CMIP: variants seen among roughly 807,000 people sequenced by gnomAD.
The protein encoded by CMIP is c-Maf inducing protein, also known as C-Maf-inducing protein.
Under a neutral mutation model 97.3 loss-of-function variants are expected in CMIP, and 13 were observed. That is an observed-to-expected ratio of 0.13 (90% confidence interval 0.09 to 0.21). The LOEUF (loss-of-function observed/expected upper bound fraction) is 0.21, where lower values mean the gene tolerates loss of function less well. CMIP is among the 10% of genes least tolerant of loss of function. CMIP has a pLI of 1.00. For synonymous variants in CMIP, 538 were observed against 436.3 expected (o/e 1.23, Z -2.91); for missense variants, 847 against 1,024.9 (o/e 0.83, Z 2.37).
intron 1 of CMIP, among the ~76,000 whole-genome samples, chr16:81,581,789 T>TG (rs1269614761): frequency 1.3e-5 from 2 of 152,290 alleles, no homozygotes; most frequent in Middle Eastern, 3.4e-3. Context: ...GTGGCAGAGC[T>TG]GGGGTTGGGA....
chr16:81,537,576 C>T (rs1226074622), intron 1 of CMIP, among the ~76,000 whole-genome samples: 3 of 137,698 alleles, frequency 2.2e-5, no homozygotes, highest in Non-Finnish European at 3.1e-5. Flanking sequence ...AAAAAAGACC[C>T]AAATAGAGGC....
intron 9 of CMIP, among the ~76,000 whole-genome samples, chr16:81,673,711 T>C (rs1203800909): frequency 6.6e-6 from 1 of 152,082 alleles, no homozygotes; most frequent in Non-Finnish European, 1.5e-5. Flanking sequence ...TGAGAACTGC[T>C]CCCGGGATGC....
At chr16:81,617,681 T>C (rs1183477389) in intron 2 of CMIP, 2 of 152,318 alleles carry the variant, frequency 1.3e-5, no homozygotes, top group African/African-American at 4.8e-5. Flanking sequence ...TCTGTGTTCA[T>C]TCGTTCCAGT....
At chr16:81,650,607 G>C (rs2092416880) in intron 3 of CMIP, among the ~76,000 whole-genome samples, 1 of 152,086 alleles carries the variant, frequency 6.6e-6, no homozygotes, top group Non-Finnish European at 1.5e-5. Context: ...AGGAAGATGG[G>C]ATGCCGTATT....
At chr16:81,522,172 A>C (rs1438863715) in intron 1 of CMIP, among the ~76,000 whole-genome samples, 1 of 152,212 alleles carries the variant, frequency 6.6e-6, no homozygotes, top group Non-Finnish European at 1.5e-5. Context: ...CCAGTGTGGC[A>C]ACACCGATTC....
chr16:81,667,605 C>G (rs1336193425), intron 7 of CMIP, among the ~76,000 whole-genome samples: 1 of 152,142 alleles, frequency 6.6e-6, no homozygotes, highest in Non-Finnish European at 1.5e-5. Flanking sequence ...AATCATAAAA[C>G]CCTCGTGGTG....
At chr16:81,641,257 G>A (rs1318716909) in intron 3 of CMIP, among the ~76,000 whole-genome samples, 1 of 152,080 alleles carries the variant, frequency 6.6e-6, no homozygotes, top group Non-Finnish European at 1.5e-5. Context: ...AGCCTTCAGT[G>A]CCATTTTCAT....
At chr16:81,579,871 G>C (rs1597111246) in intron 1 of CMIP, among the ~76,000 whole-genome samples, 1 of 152,206 alleles carries the variant, frequency 6.6e-6, no homozygotes, top group Non-Finnish European at 1.5e-5. Context: ...CCGGAGAATG[G>C]CGTGAACCCG....
At chr16:81,471,368 A>G (rs576900708) in intron 1 of CMIP, among the ~76,000 whole-genome samples, 5 of 152,306 alleles carry the variant, frequency 3.3e-5, no homozygotes, top group Admixed American at 6.5e-5. Flanking sequence ...GTATACATGT[A>G]TGTGTATACA....
At chr16:81,704,740 C>T (rs1420177421) in intron 18 of CMIP, among the ~76,000 whole-genome samples, 5 of 137,760 alleles carry the variant, frequency 3.6e-5, no homozygotes, top group African/African-American at 1.1e-4. Context: ...CCCTGCCCCT[C>T]ACCCGCTTCC....
chr16:81,645,508 G>C lies in CMIP; in HGVS notation c.478-6695G>C. Reference sequence around the variant, plus strand: ...CTGACGACTTGTCTCCCGTGGAGGAGCAACAGGCTCTGCTTTCCCTGGCCT... The same window carrying C: ...CTGACGACTTGTCTCCCGTGGAGGACCAACAGGCTCTGCTTTCCCTGGCCT... On this transcript the variant is annotated intron_variant, in intron 3 of 20. Coordinates refer to ENST00000537098, the MANE Select transcript of CMIP (RefSeq NM_198390.3). The C allele has an allele frequency of 1.2e-5, 18 of 1,535,900 alleles. No individual in the cohort carries two copies. The South Asian group carries it at 2.1e-4, about 18-fold the overall frequency.
chr16:81,613,838 T>C (rs572103295), intron 2 of CMIP, among the ~76,000 whole-genome samples: 3 of 152,354 alleles, frequency 2.0e-5, no homozygotes, highest in East Asian at 1.9e-4. Context: ...ATCTGTCTTA[T>C]CTGTTTTTCC....
chr16:81,700,893 G>A (rs1907321476), intron 15 of CMIP, among the ~76,000 whole-genome samples: 1 of 152,174 alleles, frequency 6.6e-6, no homozygotes, highest in African/African-American at 2.4e-5. Flanking sequence ...CCTGTGACAG[G>A]GATTCGGAGG....
At chr16:81,653,460 A>T (rs1260843062) in intron 4 of CMIP, among the ~76,000 whole-genome samples, 2 of 152,272 alleles carry the variant, frequency 1.3e-5, no homozygotes, top group Non-Finnish European at 2.9e-5. Context: ...GCAGAGGGAC[A>T]GAGGTCAGAG....
At chr16:81,445,843 G>C (rs1182579436) in intron 1 of CMIP, among the ~76,000 whole-genome samples, 1 of 151,940 alleles carries the variant, frequency 6.6e-6, no homozygotes, top group East Asian at 1.9e-4. Context: ...TCTGGTGGCT[G>C]GGACTCGAGG....
At chr16:81,631,404 A>G (rs1199135238) in intron 3 of CMIP, 1 of 152,238 alleles carries the variant, frequency 6.6e-6, no homozygotes, top group African/African-American at 2.4e-5. Flanking sequence ...CTATCTTTGG[A>G]AGAGACACAG....
intron 1 of CMIP, among the ~76,000 whole-genome samples, chr16:81,575,662 A>T (rs192731605): frequency 6.6e-6 from 1 of 152,280 alleles, no homozygotes; most frequent in Non-Finnish European, 1.5e-5. Flanking sequence ...GTTACTGCCA[A>T]CGGGACAGCA....
At chr16:81,603,978 G>C (rs1469348355) in intron 1 of CMIP, among the ~76,000 whole-genome samples, 1 of 152,172 alleles carries the variant, frequency 6.6e-6, no homozygotes, top group Non-Finnish European at 1.5e-5. Context: ...ACTCAGAGAG[G>C]GGGAGTAACT....
intron 1 of CMIP, among the ~76,000 whole-genome samples, chr16:81,479,706 A>T (rs1908143084): frequency 6.6e-6 from 1 of 152,192 alleles, no homozygotes; most frequent in South Asian, 2.1e-4. Context: ...GAATTCAGTG[A>T]TATTTAGCCA....
Sources: allele counts gnomAD v4.1 joint callset (sites outside exome capture counted in the v4.1 genomes callset), GRCh38; gene constraint gnomAD v4.1.1; transcripts MANE v1.5; gene names NCBI Gene and HGNC (gene_info 2026-07-23, HGNC 2026-07-21).